Variants in PTPRK observed in about 807,000 individuals in gnomAD.
PTPRK encodes receptor-type tyrosine-protein phosphatase kappa.
PTPRK carries 75 observed loss-of-function variants against 178.0 expected under a neutral mutation model. The observed-to-expected ratio is 0.42, with a 90% CI of 0.35 to 0.51. PTPRK has a LOEUF of 0.51. Ranked by LOEUF, PTPRK falls within the 20% of genes least tolerant of loss-of-function variation. The pLI is 0.02. For synonymous variants in PTPRK, 637 were observed against 620.6 expected (o/e 1.03, Z -0.39); for missense variants, 1,441 against 1,797.8 (o/e 0.80, Z 3.59).
intron 2 of PTPRK, 34 bp downstream of exon 2, chr6:128,397,532 T>TC (rs767891885): frequency 1.2e-6 from 2 of 1,606,520 alleles, no homozygotes; most frequent in Non-Finnish European, 1.7e-6. Context: ...GCAAAACTAT[T>TC]CCCCCAACAC....
chr6:128,493,374 A>G (rs1316161375), intron 1 of PTPRK, among the ~76,000 whole-genome samples: 3 of 152,084 alleles, frequency 2.0e-5, no homozygotes, highest in South Asian at 2.1e-4. Context: ...CATCCTGGCT[A>G]ACACAGTGAA....
At chr6:128,142,325 G>T (rs778848915) in intron 7 of PTPRK, among the ~76,000 whole-genome samples, 11 of 151,878 alleles carry the variant, frequency 7.2e-5, no homozygotes, top group African/African-American at 2.4e-4. Flanking sequence ...CTGTCTGGTA[G>T]AGTATAAAGT....
rs983513819 is a variant in PTPRK, at chr6:128,397,578, C to G, written c.211G>C (p.Glu71Gln). ...SAQEPHYLPP[E>Q]MPQGSYMIVD... ...GAGTGACTCTCACCTTGGGGCATCTCGGGTGGTAGATAATGAGGCTCTTGA... is the reference window on the plus strand; with the variant it reads ...GAGTGACTCTCACCTTGGGGCATCTGGGGTGGTAGATAATGAGGCTCTTGA... Residue 71 changes from glutamate (E) to glutamine (Q), a missense_variant, in exon 2 of 30, where the codon GAG (glutamate) becomes CAG (glutamine). Around this residue, in one of 4 missense-constraint regions of PTPRK, gnomAD observed 158 missense variants for 188.0 expected, o/e 0.84. Transcript: ENST00000368226. The G allele has an allele frequency of 1.2e-6, 2 of 1,613,758 alleles. No homozygotes were observed. Among genetic ancestry groups the G allele is most frequent in the Admixed American group, 1.7e-5 (1 of 59,984 alleles).
intron 2 of PTPRK, among the ~76,000 whole-genome samples, chr6:128,385,170 A>G (rs748429789): frequency 6.6e-6 from 1 of 151,232 alleles, no homozygotes; most frequent in Non-Finnish European, 1.5e-5. Flanking sequence ...CAAGTGACCA[A>G]TCTCCTGTGA....
At chr6:128,064,268 T>G (rs1781374749) in intron 13 of PTPRK, among the ~76,000 whole-genome samples, 1 of 152,156 alleles carries the variant, frequency 6.6e-6, no homozygotes, top group African/African-American at 2.4e-5. Flanking sequence ...AGATCTGGTT[T>G]CTCAGAATAA....
At chr6:128,369,243 AATG>A (rs2128347634) in intron 2 of PTPRK, among the ~76,000 whole-genome samples, 1 of 152,284 alleles carries the variant, frequency 6.6e-6, no homozygotes, top group South Asian at 2.1e-4. Context: ...GAAGTGCAGT[AATG>A]ATTATAGAGA....
intron 2 of PTPRK, among the ~76,000 whole-genome samples, chr6:128,373,517 T>A (rs1356610251): frequency 6.6e-6 from 1 of 152,188 alleles, no homozygotes; most frequent in African/African-American, 2.4e-5. Flanking sequence ...TAATCCTTTA[T>A]AAAGAATGTC....
intron 7 of PTPRK, among the ~76,000 whole-genome samples, chr6:128,115,173 A>AG (rs1391137284): frequency 6.6e-6 from 1 of 152,044 alleles, no homozygotes; most frequent in Non-Finnish European, 1.5e-5. Context: ...AAAATCATAC[A>AG]GGTCTCCAGC....
intron 3 of PTPRK, among the ~76,000 whole-genome samples, chr6:128,243,217 T>C (rs924370052): frequency 1.3e-5 from 2 of 151,840 alleles, no homozygotes; most frequent in Non-Finnish European, 2.9e-5. Flanking sequence ...TTAAATACCA[T>C]GAGGGTGAGG....
chr6:128,134,854 G>A (rs1048761844), intron 7 of PTPRK, among the ~76,000 whole-genome samples: 5 of 151,970 alleles, frequency 3.3e-5, no homozygotes, highest in African/African-American at 9.7e-5. Context: ...TAGACTTTGA[G>A]TTAACAGATT....
intron 2 of PTPRK, among the ~76,000 whole-genome samples, chr6:128,355,846 A>G (rs1333923165): frequency 6.6e-6 from 1 of 152,190 alleles, no homozygotes; most frequent in African/African-American, 2.4e-5. Flanking sequence ...TCTTTACCAA[A>G]GTTCCCAATT....
chr6:128,129,852 T>C (rs958360698), intron 7 of PTPRK, among the ~76,000 whole-genome samples: 2 of 152,188 alleles, frequency 1.3e-5, no homozygotes, highest in African/African-American at 4.8e-5. Context: ...TGTGTCATCA[T>C]GTCAGTTGAG....
intron 7 of PTPRK, among the ~76,000 whole-genome samples, chr6:128,179,654 C>T (rs907209315): frequency 6.6e-6 from 1 of 151,958 alleles, no homozygotes; most frequent in African/African-American, 2.4e-5. Flanking sequence ...ACCGAACCAA[C>T]TCTTAGAAGA....
At position 128,018,823 on chromosome 6, in the gene PTPRK, TA is replaced by T. The variant is rs201647513; in HGVS notation, c.2195-9556del. Reference sequence around the variant, plus strand: ...ATTAGATGGAGGGAAGTCTACTTTCTAAAAAAAACAGAGATAAGAATCTGTT... The same window carrying T: ...ATTAGATGGAGGGAAGTCTACTTTCTAAAAAAACAGAGATAAGAATCTGTT... On this transcript the variant is annotated intron_variant, in intron 13 of 29. Coordinates refer to ENST00000368226, the MANE Select transcript of PTPRK (RefSeq NM_002844.4). Among the ~76,000 whole-genome samples, 150 of 151,952 alleles carry T rather than the reference TA, an allele frequency of 9.9e-4. No homozygotes were observed. In the East Asian group the frequency reaches 0.022, roughly 23 times the overall value.
chr6:128,075,375 C>CGTTTTGT (rs1783605610), intron 11 of PTPRK, among the ~76,000 whole-genome samples: 1 of 151,526 alleles, frequency 6.6e-6, no homozygotes, highest in Non-Finnish European at 1.5e-5. Flanking sequence ...CCCTTTGCTC[C>CGTTTTGT]CTGTTTTGTC....
chr6:128,287,958 A>G (rs1014374866), intron 3 of PTPRK, among the ~76,000 whole-genome samples: 2 of 151,890 alleles, frequency 1.3e-5, no homozygotes, highest in African/African-American at 4.8e-5. Flanking sequence ...TTCTTATCCA[A>G]TTTTCTACTC....
intron 3 of PTPRK, among the ~76,000 whole-genome samples, chr6:128,300,266 T>C (rs186649569): frequency 2.0e-5 from 3 of 152,004 alleles, no homozygotes; most frequent in African/African-American, 7.3e-5. Context: ...ACTTTTACAC[T>C]CTTGGTGGGA....
intron 2 of PTPRK, among the ~76,000 whole-genome samples, chr6:128,375,037 C>A (rs1181962162): frequency 6.7e-6 from 1 of 149,584 alleles, no homozygotes. Flanking sequence ...TTAATTTTCT[C>A]CATGGTACTT....
At chr6:128,142,095 A>G (rs1002872680) in intron 7 of PTPRK, among the ~76,000 whole-genome samples, 3 of 151,946 alleles carry the variant, frequency 2.0e-5, no homozygotes, top group African/African-American at 7.2e-5. Context: ...ACATACATAT[A>G]TGCATATGTC....
Sources: allele counts gnomAD v4.1 joint callset (sites outside exome capture counted in the v4.1 genomes callset), GRCh38; gene constraint gnomAD v4.1.1; regional missense constraint gnomAD v4.1.1; transcripts MANE v1.5; gene names NCBI Gene and HGNC (gene_info 2026-07-23, HGNC 2026-07-21).